The following DZANK1 variants were observed in gnomAD, a reference collection of about 807,000 sequenced individuals.
The protein encoded by DZANK1 is double zinc ribbon and ankyrin repeat-containing protein 1.
A neutral mutation model predicts 94.5 loss-of-function variants in DZANK1; 91 were observed. The observed-to-expected ratio is 0.96, with a 90% CI of 0.81 to 1.15. The LOEUF is 1.15. Ranked by LOEUF, DZANK1 falls within the 50% of genes most tolerant of loss-of-function variation. The probability of loss-of-function intolerance (pLI) is 0.00; values close to 1 mark genes in which losing one functional copy is unlikely to be tolerated. For synonymous variants in DZANK1, 312 were observed against 325.3 expected (o/e 0.96, Z 0.44); for missense variants, 903 against 916.4 (o/e 0.99, Z 0.19).
intron 10 of DZANK1, among the ~76,000 whole-genome samples, chr20:18,425,961 A>G (rs1038152558): frequency 1.3e-5 from 2 of 152,196 alleles, no homozygotes; most frequent in African/African-American, 4.8e-5. Context: ...TTAGACTTCT[A>G]GTCTCCAGAG....
At chr20:18,392,204 G>A (rs991965121) in intron 17 of DZANK1, among the ~76,000 whole-genome samples, 3 of 152,210 alleles carry the variant, frequency 2.0e-5, no homozygotes, top group Admixed American at 6.5e-5. Context: ...ATTGTAAGCT[G>A]TTCAGTTTAT....
intron 13 of DZANK1, among the ~76,000 whole-genome samples, chr20:18,411,443 A>G (rs1360669447): frequency 6.6e-6 from 1 of 152,218 alleles, no homozygotes; most frequent in African/African-American, 2.4e-5. Context: ...TTCAACAAGA[A>G]ATAGAAAATC....
In DZANK1 at chr20:18,452,650, C is replaced by A. The variant is rs1186045150; in HGVS notation, c.508G>T (p.Gly170Ter). 6.2e-7 allele frequency: 1 copy of A among 1,603,532 alleles called. No homozygotes were observed. Among genetic ancestry groups the A allele is most frequent in the South Asian group, 1.1e-5 (1 of 88,924 alleles). ...CGGGTGGGTGGTCTAGAACCTGATC[C>A]TCCACCATAAGCTGGGATTTCCAAT... Residue 170 changes from glycine (G) to a stop codon, truncating the protein, a stop_gained, in exon 6 of 21, where the codon GGA (glycine) becomes TGA (stop). Transcript: ENST00000262547. LOFTEE classifies it high-confidence loss of function.
chr20:18,384,362 A>G, exon 21 of DZANK1: 9 of 1,577,278 alleles, frequency 5.7e-6, no homozygotes, highest in Non-Finnish European at 7.7e-6. Flanking sequence ...CCAGCCATGC[A>G]CGTATTCTTA....
At chr20:18,389,339 G>GAAT (rs2048705099) in intron 19 of DZANK1, among the ~76,000 whole-genome samples, 1 of 152,110 alleles carries the variant, frequency 6.6e-6, no homozygotes, top group South Asian at 2.1e-4. Context: ...TTTTCATGGG[G>GAAT]AATACACTAA....
chr20:18,464,667 CTTTTTT>C (rs1167738427), intron 2 of DZANK1, among the ~76,000 whole-genome samples: 11 of 77,822 alleles, frequency 1.4e-4, no homozygotes, highest in Admixed American at 8.2e-4. Flanking sequence ...AGCACCGGGA[CTTTTTT>C]TTTTTTTTTT....
chr20:18,388,938 T>C (rs1485762064), intron 19 of DZANK1, among the ~76,000 whole-genome samples: 1 of 152,234 alleles, frequency 6.6e-6, no homozygotes, highest in Non-Finnish European at 1.5e-5. Context: ...GACACGGACC[T>C]TGACCTCGCC....
chr20:18,384,056 C>T, exon 21 of DZANK1: 1 of 182,722 alleles, frequency 5.5e-6, no homozygotes, highest in Non-Finnish European at 1.2e-5. Context: ...GCCAGAGCTG[C>T]ACATATTCTT....
intron 6 of DZANK1, among the ~76,000 whole-genome samples, chr20:18,449,853 CA>C (rs903475950): frequency 8.6e-5 from 13 of 151,480 alleles, no homozygotes; most frequent in African/African-American, 3.2e-4. Context: ...CAGAGGTGAG[CA>C]GATCACCTGA....
intron 2 of DZANK1, among the ~76,000 whole-genome samples, chr20:18,462,937 TAAAAA>T (rs61694583): frequency 3.6e-5 from 4 of 111,300 alleles, no homozygotes; most frequent in Non-Finnish European, 1.8e-5. Flanking sequence ...GACTCGGTCT[TAAAAA>T]AAAAAAAAAA....
At chr20:18,428,419 C>A (rs1384894914) in intron 9 of DZANK1, among the ~76,000 whole-genome samples, 2 of 151,994 alleles carry the variant, frequency 1.3e-5, no homozygotes, top group Non-Finnish European at 2.9e-5. Flanking sequence ...AAACTCCTGG[C>A]CTCGTGATCT....
rs1273456557 is a variant in DZANK1 at position 18,403,448 on chromosome 20, CAG to C, written c.1433-4824_1433-4823del. 1.7e-4 allele frequency among the ~76,000 whole-genome samples: 26 copies of C among 152,288 alleles called. No individual in the cohort carries two copies. The East Asian group carries it at 4.0e-3, about 24-fold the overall frequency. ...CCAGGGGAAGAGGCAGGTCAAAAAA[CAG>C]AGTTCAGAATCTCTCCCCAAAGAAA... On this transcript the variant is annotated intron_variant, in intron 13 of 20. Transcript: ENST00000262547.
At chr20:18,448,844 G>C in intron 7 of DZANK1, 140 bp downstream of exon 7, 1 of 679,518 alleles carries the variant, frequency 1.5e-6, no homozygotes. Context: ...TCCAGCCAGG[G>C]TGACAGAGTG....
chr20:18,418,006 A>G lies in DZANK1; in HGVS notation c.955-2557T>C, dbSNP rs888235798. Among the ~76,000 whole-genome samples the G allele has an allele frequency of 2.6e-5, 4 of 152,226 alleles. No individual in the cohort carries two copies. The East Asian group carries it at 7.7e-4, about 29-fold the overall frequency. On this transcript the variant is annotated intron_variant, in intron 10 of 20. Transcript: ENST00000262547. ...GAAGCTGAGGCAGGAGAATCACTTG[A>G]ACCCAGGAGGCAGAGGTTGCAGTGA...
chr20:18,413,588 C>T (rs1272535682), intron 12 of DZANK1, among the ~76,000 whole-genome samples: 1 of 151,832 alleles, frequency 6.6e-6, no homozygotes, highest in Non-Finnish European at 1.5e-5. Context: ...GAGATCAGCC[C>T]GACCAACATG....
At position 18,433,938 on chromosome 20, in the gene DZANK1, T is replaced by C. The variant is rs2058395777; in HGVS notation, c.748-173A>G. 4 of 563,480 alleles carry C rather than the reference T, an allele frequency of 7.1e-6. No individual in the cohort carries two copies. The South Asian group carries it at 1.1e-4, about 15-fold the overall frequency. The allele number at this position is 563,480 out of a possible 1,614,324, so 34.9% of individuals were successfully genotyped here. ...TAGTACTTGGTGGAAGAATGTAAAG[T>C]TTGATTTGTTTTTGTAAAACAATTT... On this transcript the variant is annotated intron_variant, in intron 8 of 20. Coordinates refer to ENST00000262547, the Ensembl canonical transcript of DZANK1.
At chr20:18,404,814 A>G (rs2056874477) in intron 13 of DZANK1, among the ~76,000 whole-genome samples, 2 of 152,178 alleles carry the variant, frequency 1.3e-5, no homozygotes, top group African/African-American at 4.8e-5. Context: ...CGAGAGGCTG[A>G]GATGAAAAGA....
At chr20:18,407,739 AG>A (rs1442161547) in intron 13 of DZANK1, among the ~76,000 whole-genome samples, 1 of 152,256 alleles carries the variant, frequency 6.6e-6, no homozygotes, top group Non-Finnish European at 1.5e-5. Flanking sequence ...ATAATTAAAA[AG>A]AATCAAGTAG....
At chr20:18,466,682 G>A (rs936543464) in intron 1 of DZANK1, among the ~76,000 whole-genome samples, 7 of 152,240 alleles carry the variant, frequency 4.6e-5, no homozygotes, top group Admixed American at 2.6e-4. Flanking sequence ...AGCTGGGGTG[G>A]CCAGTGGGCC....
Sources: allele counts gnomAD v4.1 joint callset (sites outside exome capture counted in the v4.1 genomes callset), GRCh38; gene constraint gnomAD v4.1.1; transcripts MANE v1.5; gene names NCBI Gene and HGNC (gene_info 2026-07-23, HGNC 2026-07-21).